The following CGNL1 variants were observed in gnomAD, a reference collection of about 807,000 sequenced individuals.
The protein encoded by CGNL1 is cingulin like 1.
Under a neutral mutation model 141.2 loss-of-function variants are expected in CGNL1, and 132 were observed. That is an observed-to-expected ratio of 0.93 (90% confidence interval 0.81 to 1.08). The LOEUF is 1.08. Among genes scored for constraint, CGNL1 ranks in the 50% least tolerant of loss-of-function variants. The pLI is 0.00. For synonymous variants in CGNL1, 690 were observed against 622.1 expected (o/e 1.11, Z -1.63); for missense variants, 1,870 against 1,588.6 (o/e 1.18, Z -3.01).
intron 8 of CGNL1, among the ~76,000 whole-genome samples, chr15:57,500,423 A>T (rs2064007093): frequency 1.3e-5 from 2 of 152,152 alleles, no homozygotes; most frequent in Admixed American, 1.3e-4. Context: ...CACGGCTGAG[A>T]TGTCCCTGTG....
intron 8 of CGNL1, among the ~76,000 whole-genome samples, chr15:57,492,756 T>A (rs1401911947): frequency 6.6e-6 from 1 of 151,834 alleles, no homozygotes; most frequent in Non-Finnish European, 1.5e-5. Context: ...TGACATATAA[T>A]GCTGGAAGTT....
chr15:57,421,919 A>G (rs1187782141), intron 1 of CGNL1, among the ~76,000 whole-genome samples: 1 of 152,052 alleles, frequency 6.6e-6, no homozygotes, highest in South Asian at 2.1e-4. Context: ...TTTCTCTGGG[A>G]TGCTGATTGT....
At chr15:57,486,142 G>T (rs1400296455) in intron 8 of CGNL1, among the ~76,000 whole-genome samples, 1 of 152,136 alleles carries the variant, frequency 6.6e-6, no homozygotes, top group Admixed American at 6.5e-5. Context: ...TGGTGCTCCA[G>T]GGCAGGGGCA....
intron 4 of CGNL1, among the ~76,000 whole-genome samples, chr15:57,442,838 C>T (rs574230078): frequency 1.3e-5 from 2 of 152,268 alleles, no homozygotes; most frequent in Admixed American, 6.5e-5. Flanking sequence ...AGGCTGGTCT[C>T]GAACGTCTGG....
At chr15:57,409,533 C>G (rs544414157) in intron 1 of CGNL1, among the ~76,000 whole-genome samples, 2 of 152,190 alleles carry the variant, frequency 1.3e-5, no homozygotes, top group Middle Eastern at 6.8e-3. Flanking sequence ...GCATATAGCT[C>G]TAATTAGGGC....
At chr15:57,540,930 G>A (rs1202907590) in intron 14 of CGNL1, among the ~76,000 whole-genome samples, 7 of 152,204 alleles carry the variant, frequency 4.6e-5, no homozygotes, top group South Asian at 2.1e-4. Context: ...GACAATGTGG[G>A]TTTTCCCCAG....
Position 57,531,897 on chromosome 15 carries a change from G to C in CGNL1, c.3291+118G>C, listed in dbSNP as rs188682843. 4 of 661,712 alleles carry C rather than the reference G, an allele frequency of 6.0e-6. No individual in the cohort carries two copies. In the East Asian group the frequency reaches 1.1e-4, roughly 17 times the overall value. 41.0% of individuals were successfully genotyped at this position (661,712 alleles called of 1,614,324 possible). A position where few individuals can be genotyped will look rare whatever the true frequency, so the allele number is the denominator to read the frequency against. On this transcript the variant is annotated intron_variant, in intron 14 of 18. Coordinates refer to ENST00000281282, the MANE Select transcript of CGNL1 (RefSeq NM_032866.5). ...GAAAAATTCATGCCATCTAGAAATT[G>C]ATGGAAGATTGAATAGTCATCACCA...
intron 1 of CGNL1, among the ~76,000 whole-genome samples, chr15:57,428,534 C>T (rs2063005752): frequency 6.6e-6 from 1 of 152,084 alleles, no homozygotes; most frequent in Non-Finnish European, 1.5e-5. Flanking sequence ...GTTGCTGGGA[C>T]AAAACTAATC....
chr15:57,438,431 C>G lies in CGNL1; in HGVS notation c.432C>G (p.Asn144Lys), dbSNP rs766279933. Residue 144 changes from asparagine (N) to lysine (K), a missense_variant, in exon 2 of 19, where the codon AAC becomes AAG. Physicochemically the swap from Asn to Lys is moderately conservative, Grantham distance 94. Coordinates refer to ENST00000281282, the MANE Select transcript of CGNL1 (RefSeq NM_032866.5). ...DGSVKPSHLLNFQRHPELLQP... is the reference protein window; with the variant it reads ...DGSVKPSHLLKFQRHPELLQP... ...CTGTGAAGCCATCTCACCTGCTGAA[C>G]TTTCAGAGGCATCCAGAGCTTTTGC... is the stretch of plus-strand genomic sequence containing the variant. The G allele has an allele frequency of 5.0e-6, 8 of 1,614,204 alleles. No individual in the cohort carries two copies. The South Asian group carries it at 7.7e-5, about 16-fold the overall frequency.
In CGNL1 at chr15:57,451,309, C is replaced by T. The variant is rs149585850; in HGVS notation, c.1804-191C>T. ...AATAAAGTTCACTGGAGTCCCAAGG[C>T]AGGCAGTAACATTAACTCTGCCCAC... is the stretch of plus-strand genomic sequence containing the variant. On this transcript the variant is annotated intron_variant, in intron 4 of 18. Transcript: ENST00000281282. Among the ~76,000 whole-genome samples, 996 of 152,220 alleles carry T rather than the reference C, an allele frequency of 6.5e-3. 5 individuals are homozygous for T. The highest frequency in any genetic ancestry group is 0.024 in the Middle Eastern group (7 of 294).
rs748448446 is a variant in CGNL1, at chr15:57,544,491, C to T, written c.3394C>T (p.Arg1132Trp). Residue 1132 changes from arginine to tryptophan, a missense_variant, in exon 16 of 19, where the codon CGG (arginine) becomes TGG (tryptophan). Transcript: ENST00000281282. ...GTTCCAGAACAAGGACTTAAAGAGC[C>T]GGATTATCCACCTGGAAGGTTCCTA... ...LERQNKDLKS[R>W]IIHLEGSYRS... 1.6e-5 allele frequency: 26 copies of T among 1,613,898 alleles called. No homozygotes were observed. The highest frequency in any genetic ancestry group is 3.3e-5 in the South Asian group (3 of 91,006).
At chr15:57,484,000 T>C (rs1173373640) in intron 8 of CGNL1, among the ~76,000 whole-genome samples, 1 of 152,216 alleles carries the variant, frequency 6.6e-6, no homozygotes, top group Non-Finnish European at 1.5e-5. Context: ...TTGCTTGTAT[T>C]TTGTTAAGGA....
At chr15:57,451,361 G>A in intron 4 of CGNL1, 139 bp from the exon 5 acceptor site, 1 of 610,934 alleles carries the variant, frequency 1.6e-6, no homozygotes, top group Admixed American at 3.0e-5. Context: ...CCCTGAAGGG[G>A]TTGATGTTTG....
intron 8 of CGNL1, among the ~76,000 whole-genome samples, 189 bp from the exon 9 acceptor site, chr15:57,516,589 AAC>A (rs1409843222): frequency 5.3e-5 from 8 of 152,196 alleles, no homozygotes; most frequent in Middle Eastern, 3.2e-3. Context: ...ATGTTCCAAT[AAC>A]ACTGCGCTTT....
chr15:57,504,517 G>A (rs559674973), intron 8 of CGNL1, among the ~76,000 whole-genome samples: 1 of 152,336 alleles, frequency 6.6e-6, no homozygotes, highest in African/African-American at 2.4e-5. Flanking sequence ...GATGTGATAG[G>A]CTAGATGATG....
At chr15:57,517,552 A>G (rs1195140575) in intron 9 of CGNL1, among the ~76,000 whole-genome samples, 3 of 152,236 alleles carry the variant, frequency 2.0e-5, no homozygotes, top group African/African-American at 7.2e-5. Flanking sequence ...CCCTGGGGTA[A>G]TTAAGGAAAA....
At chr15:57,520,004 C>T (rs1367222888) in intron 10 of CGNL1, among the ~76,000 whole-genome samples, 1 of 152,178 alleles carries the variant, frequency 6.6e-6, no homozygotes, top group Non-Finnish European at 1.5e-5. Flanking sequence ...TCCCCACCCA[C>T]CCCCATCTGT....
intron 6 of CGNL1, among the ~76,000 whole-genome samples, chr15:57,452,541 G>T (rs1188953714): frequency 6.6e-6 from 1 of 152,028 alleles, no homozygotes; most frequent in South Asian, 2.1e-4. Context: ...AGTCCTTAAA[G>T]TGGACCTCCT....
chr15:57,395,474 G>A (rs1348793523), intron 1 of CGNL1, among the ~76,000 whole-genome samples: 8 of 152,216 alleles, frequency 5.3e-5, no homozygotes, highest in African/African-American at 1.7e-4. Flanking sequence ...TGTGATTCGC[G>A]TTATGCACAG....
Sources: gnomAD v4.1 joint callset for allele counts (sites outside exome capture counted in the v4.1 genomes callset) on GRCh38, gnomAD v4.1.1 for gene constraint, MANE v1.5 for transcripts, NCBI Gene and HGNC (gene_info 2026-07-23, HGNC 2026-07-21) for gene names.